RORA: variants seen among roughly 807,000 people sequenced by gnomAD.
RORA encodes nuclear receptor ROR-alpha.
RORA carries 7 observed loss-of-function variants against 69.5 expected under a neutral mutation model. The observed-to-expected ratio is 0.10, with a 90% CI of 0.06 to 0.19. The LOEUF is 0.19. RORA is among the 10% of genes least tolerant of loss of function. The pLI is 1.00. For synonymous variants in RORA, 261 were observed against 240.8 expected (o/e 1.08, Z -0.78); for missense variants, 457 against 663.0 (o/e 0.69, Z 3.41).
At chr15:60,571,949 A>C (rs574281839) in intron 2 of RORA, among the ~76,000 whole-genome samples, 1 of 152,338 alleles carries the variant, frequency 6.6e-6, no homozygotes, top group East Asian at 1.9e-4. Context: ...GATTTATGTA[A>C]ACAGAATAAT....
At chr15:60,833,402 G>T (rs1226934824) in intron 1 of RORA, among the ~76,000 whole-genome samples, 1 of 151,978 alleles carries the variant, frequency 6.6e-6, no homozygotes, top group African/African-American at 2.4e-5. Context: ...TTTTAGTAGA[G>T]ATGGGGTTTC....
chr15:60,917,751 C>T (rs956386995), intron 1 of RORA, among the ~76,000 whole-genome samples: 19 of 152,210 alleles, frequency 1.2e-4, no homozygotes, highest in African/African-American at 3.9e-4. Flanking sequence ...AGTTTCTTTG[C>T]GTGTAATCCC....
chr15:61,004,387 T>TG (rs1229975763), intron 1 of RORA, among the ~76,000 whole-genome samples: 1 of 151,848 alleles, frequency 6.6e-6, no homozygotes, highest in East Asian at 1.9e-4. Context: ...TGTTTTTTTT[T>TG]TTTTTCATCT....
intron 1 of RORA, chr15:60,682,087 C>A (rs1276786820): frequency 6.6e-6 from 1 of 152,186 alleles, no homozygotes; most frequent in Non-Finnish European, 1.5e-5. Flanking sequence ...AGTTACTTAA[C>A]TTTTCTAGTC....
chr15:61,068,532 C>T (rs2078296040), intron 1 of RORA, among the ~76,000 whole-genome samples: 1 of 152,132 alleles, frequency 6.6e-6, no homozygotes, highest in African/African-American at 2.4e-5. Flanking sequence ...TTCCATGTTC[C>T]TTGACATCCT....
intron 1 of RORA, among the ~76,000 whole-genome samples, chr15:60,977,115 G>GGAA (rs1222384747): frequency 7.4e-6 from 1 of 135,984 alleles, no homozygotes; most frequent in African/African-American, 2.7e-5. Context: ...TGATTGGAGG[G>GGAA]AAAAAAAAAA....
chr15:60,502,941 G>T, intron 7 of RORA, 74 bp from the exon 8 acceptor site: 1 of 951,922 alleles, frequency 1.1e-6, no homozygotes. Flanking sequence ...AGCTGCTCAT[G>T]TAGAGACTCC....
At chr15:60,889,269 C>G (rs2073786230) in intron 1 of RORA, among the ~76,000 whole-genome samples, 2 of 149,500 alleles carry the variant, frequency 1.3e-5, no homozygotes, top group South Asian at 4.2e-4. Context: ...AGTGCTTGTG[C>G]AGGGACTGAC....
chr15:60,638,896 G>T (rs2069887766), intron 2 of RORA, among the ~76,000 whole-genome samples: 1 of 151,964 alleles, frequency 6.6e-6, no homozygotes, highest in Non-Finnish European at 1.5e-5. Flanking sequence ...TACTTTAATG[G>T]TCTCTACTTT....
chr15:60,988,146 C>G (rs575035735), intron 1 of RORA, among the ~76,000 whole-genome samples: 7 of 152,300 alleles, frequency 4.6e-5, no homozygotes, highest in African/African-American at 1.7e-4. Flanking sequence ...CCATATTGCA[C>G]AGGGCAACTA....
At chr15:61,051,527 C>A (rs1038583026) in intron 1 of RORA, among the ~76,000 whole-genome samples, 1 of 152,170 alleles carries the variant, frequency 6.6e-6, no homozygotes, top group Non-Finnish European at 1.5e-5. Flanking sequence ...CTCCACTTGA[C>A]CTGAATGCTC....
At chr15:60,896,644 C>T (rs1891236652) in intron 1 of RORA, among the ~76,000 whole-genome samples, 2 of 151,966 alleles carry the variant, frequency 1.3e-5, no homozygotes, top group Non-Finnish European at 2.9e-5. Flanking sequence ...AAGACACTTT[C>T]AAGTCCAGAA....
intron 1 of RORA, among the ~76,000 whole-genome samples, chr15:61,111,500 C>A (rs1039304992): frequency 3.9e-5 from 6 of 152,168 alleles, no homozygotes; most frequent in African/African-American, 1.4e-4. Flanking sequence ...TGAGTGGTAA[C>A]TGTTCAAGTT....
At chr15:60,616,333 T>G (rs1368161682) in intron 2 of RORA, among the ~76,000 whole-genome samples, 1 of 152,210 alleles carries the variant, frequency 6.6e-6, no homozygotes, top group Non-Finnish European at 1.5e-5. Context: ...TGCCAGCGCA[T>G]GCGTCTGCCC....
chr15:60,988,359 A>G (rs1467303), intron 1 of RORA, among the ~76,000 whole-genome samples: 117,465 of 151,994 alleles, frequency 0.77, 45,828 homozygotes, highest in African/African-American at 0.89. Context: ...AATAGCCAGG[A>G]AGTCACATTT....
chr15:61,174,894 G>C (rs2079614623), intron 1 of RORA, among the ~76,000 whole-genome samples: 1 of 152,164 alleles, frequency 6.6e-6, no homozygotes, highest in Non-Finnish European at 1.5e-5. Flanking sequence ...CTACATGAGA[G>C]CACTGAGCCC....
chr15:60,721,197 G>T (rs1279477836), intron 1 of RORA, among the ~76,000 whole-genome samples: 1 of 152,208 alleles, frequency 6.6e-6, no homozygotes, highest in Non-Finnish European at 1.5e-5. Context: ...ACATCTCGCA[G>T]AGAGATCGGT....
intron 1 of RORA, among the ~76,000 whole-genome samples, chr15:60,743,321 G>A (rs2071602821): frequency 6.6e-6 from 1 of 152,256 alleles, no homozygotes; most frequent in African/African-American, 2.4e-5. Context: ...GGCTGTAAAT[G>A]CATTGACTCA....
Position 60,611,185 on chromosome 15 carries a change from G to A in RORA, c.196+67472C>T, listed in dbSNP as rs929827152. Among the ~76,000 whole-genome samples the A allele has an allele frequency of 4.1e-4, 62 of 152,160 alleles. 1 individual carries two copies. The highest frequency in any genetic ancestry group is 1.4e-3 in the African/African-American group (57 of 41,436). On this transcript the variant is annotated intron_variant, in intron 2 of 10. Coordinates refer to ENST00000335670, the MANE Select transcript of RORA (RefSeq NM_134261.3). ...CAGGCTGGGTATTATTACATAGACA[G>A]TGGGGAATGGAAAATTCTTTCCTCT... is the stretch of plus-strand genomic sequence containing the variant.
Sources: allele counts gnomAD v4.1 joint callset (sites outside exome capture counted in the v4.1 genomes callset), GRCh38; gene constraint gnomAD v4.1.1; transcripts MANE v1.5; gene names NCBI Gene and HGNC (gene_info 2026-07-23, HGNC 2026-07-21).